CCDC6: variants seen among roughly 807,000 people sequenced by gnomAD.
The protein encoded by CCDC6 is coiled-coil domain-containing protein 6.
A neutral mutation model predicts 56.6 loss-of-function variants in CCDC6; 20 were observed. The ratio of observed to expected loss-of-function variants is 0.35; its 90% CI spans 0.25 to 0.51. The LOEUF is 0.51. Ranked by LOEUF, CCDC6 falls within the 20% of genes least tolerant of loss-of-function variation. The pLI, the probability that CCDC6 is intolerant of heterozygous loss-of-function variation, is 0.95. For synonymous variants in CCDC6, 241 were observed against 234.4 expected (o/e 1.03, Z -0.26); for missense variants, 367 against 601.1 (o/e 0.61, Z 4.07).
chr10:59,859,193 TGTGTGC>T (rs1320276076), intron 1 of CCDC6, among the ~76,000 whole-genome samples: 6 of 118,026 alleles, frequency 5.1e-5, no homozygotes, highest in East Asian at 4.8e-4. Flanking sequence ...AAAATACATG[TGTGTGC>T]GTGTGTGTGT....
intron 1 of CCDC6, among the ~76,000 whole-genome samples, chr10:59,860,362 T>A (rs566558408): frequency 1.5e-4 from 23 of 152,162 alleles, no homozygotes; most frequent in African/African-American, 4.6e-4. Context: ...GGAGACCCTA[T>A]CTCCATGACC....
At chr10:59,860,882 C>G (rs903480919) in intron 1 of CCDC6, among the ~76,000 whole-genome samples, 2 of 151,958 alleles carry the variant, frequency 1.3e-5, no homozygotes, top group South Asian at 4.2e-4. Context: ...AGTCCCATGT[C>G]TATGAAAAAT....
chr10:59,843,371 T>C (rs941341006), intron 2 of CCDC6, among the ~76,000 whole-genome samples: 3 of 152,234 alleles, frequency 2.0e-5, no homozygotes, highest in Non-Finnish European at 2.9e-5. Context: ...TTTGTCCACA[T>C]CATATAAATT....
intron 1 of CCDC6, among the ~76,000 whole-genome samples, chr10:59,885,031 T>A (rs1384305005): frequency 6.7e-6 from 1 of 149,118 alleles, no homozygotes; most frequent in East Asian, 2.0e-4. Flanking sequence ...GCCACCGCAC[T>A]CCAGCCTGGG....
chr10:59,833,430 C>T (rs142507519), intron 2 of CCDC6, among the ~76,000 whole-genome samples: 83 of 152,044 alleles, frequency 5.5e-4, no homozygotes, highest in Non-Finnish European at 7.9e-4. Context: ...GCTTGGACAA[C>T]GAGAGCAAAA....
chr10:59,824,625 T>A (rs2070773056), intron 3 of CCDC6, among the ~76,000 whole-genome samples: 2 of 152,194 alleles, frequency 1.3e-5, no homozygotes, highest in South Asian at 4.2e-4. Flanking sequence ...TTTTATTTTT[T>A]AAAAAGCAGG....
At chr10:59,864,614 C>T (rs1340051674) in intron 1 of CCDC6, among the ~76,000 whole-genome samples, 2 of 152,124 alleles carry the variant, frequency 1.3e-5, no homozygotes, top group African/African-American at 4.8e-5. Flanking sequence ...ATGTAACAAA[C>T]CATGCCAAAA....
At chr10:59,851,305 A>G (rs1466956084) in intron 2 of CCDC6, among the ~76,000 whole-genome samples, 1 of 152,152 alleles carries the variant, frequency 6.6e-6, no homozygotes, top group Non-Finnish European at 1.5e-5. Context: ...GGTCAAACTA[A>G]TCTTCTCCAT....
intron 7 of CCDC6, 64 bp from the exon 8 acceptor site, chr10:59,794,661 A>C: frequency 6.7e-7 from 1 of 1,486,480 alleles, no homozygotes; most frequent in South Asian, 1.2e-5. Flanking sequence ...TCAACTATCT[A>C]GGAGGTTTTA....
chr10:59,820,276 G>A (rs1378603414), intron 3 of CCDC6, among the ~76,000 whole-genome samples: 1 of 152,194 alleles, frequency 6.6e-6, no homozygotes, highest in Non-Finnish European at 1.5e-5. Flanking sequence ...AAAGCCGGAT[G>A]AGAACTCTAG....
intron 3 of CCDC6, among the ~76,000 whole-genome samples, chr10:59,818,959 C>T (rs1207384902): frequency 1.3e-5 from 2 of 152,146 alleles, no homozygotes; most frequent in Non-Finnish European, 2.9e-5. Flanking sequence ...ACTTTGCAAA[C>T]ATTTATCCCT....
rs10561094 is a variant in CCDC6, at chr10:59,797,588, C to CAAAAAA, written c.1106-2997_1106-2992dup. 2.9e-3 allele frequency among the ~76,000 whole-genome samples: 92 copies of CAAAAAA among 31,564 alleles called. 3 individuals are homozygous for CAAAAAA. Among genetic ancestry groups the CAAAAAA allele is most frequent in the Admixed American group, 4.8e-3 (7 of 1,460 alleles). 20.7% of individuals were successfully genotyped at this position (31,564 alleles called of 152,430 possible). A position where few individuals can be genotyped will look rare whatever the true frequency, so the allele number is the denominator to read the frequency against. ...GTAGCCAATGAACTGAACCTCCTAG[C>CAAAAAA]AAAAAAAAAAAAAAAAAAAAAAAAA... is the stretch of plus-strand genomic sequence containing the variant. On this transcript the variant is annotated intron_variant, in intron 7 of 8. Coordinates refer to ENST00000263102, the MANE Select transcript of CCDC6 (RefSeq NM_005436.5).
chr10:59,890,260 G>A (rs1589063331), intron 1 of CCDC6, among the ~76,000 whole-genome samples: 1 of 152,180 alleles, frequency 6.6e-6, no homozygotes, highest in Non-Finnish European at 1.5e-5. Context: ...TCCAGTCAAC[G>A]ATGGCTTTCA....
At chr10:59,806,301 C>T (rs901566358) in intron 6 of CCDC6, 4 of 152,152 alleles carry the variant, frequency 2.6e-5, no homozygotes, top group Admixed American at 2.6e-4. Flanking sequence ...TACTTGAGAC[C>T]ATTTCTGCTA....
At chr10:59,898,891 C>T (rs2071483111) in intron 1 of CCDC6, among the ~76,000 whole-genome samples, 1 of 152,124 alleles carries the variant, frequency 6.6e-6, no homozygotes, top group African/African-American at 2.4e-5. Context: ...CATTAAATTG[C>T]ACTCCATATG....
Position 59,833,643 on chromosome 10 carries a change from G to A in CCDC6, c.454-990C>T, listed in dbSNP as rs779654213. Among the ~76,000 whole-genome samples the A allele has an allele frequency of 5.9e-4, 58 of 99,060 alleles. 3 individuals carry two copies. Among genetic ancestry groups the A allele is most frequent in the African/African-American group, 3.2e-3 (56 of 17,762 alleles). The allele number at this position is 99,060 out of a possible 152,430, so 65.0% of individuals were successfully genotyped here. On this transcript the variant is annotated intron_variant, in intron 2 of 8. Transcript: ENST00000263102. ...TTATTTTTATAACACTCTCAACTGG[G>A]GGGGGGGGGGGTTTGTTGATCCACA...
rs1380072149 is a variant in CCDC6, at chr10:59,790,198, T to C, written c.*2719A>G. 1 of 216,522 alleles carries C rather than the reference T, an allele frequency of 4.6e-6. No homozygotes were observed. The highest frequency in any genetic ancestry group is 9.3e-6 in the Non-Finnish European group (1 of 107,328). The allele number at this position is 216,522 out of a possible 1,614,324, so 13.4% of individuals were successfully genotyped here. On this transcript the variant is annotated 3_prime_UTR_variant, in exon 9 of 9. Coordinates refer to ENST00000263102, the MANE Select transcript of CCDC6 (RefSeq NM_005436.5). ...AAGGCATGGTAATCTGGCAACAGAGTACTTATCCTATTAGCAGCACAGTGG... is the reference window on the plus strand; with the variant it reads ...AAGGCATGGTAATCTGGCAACAGAGCACTTATCCTATTAGCAGCACAGTGG...
intron 1 of CCDC6, among the ~76,000 whole-genome samples, chr10:59,887,056 C>G: frequency 6.6e-6 from 1 of 152,250 alleles, no homozygotes; most frequent in East Asian, 1.9e-4. Context: ...AACATCTATT[C>G]GAATTACACA....
At chr10:59,794,622 A>G (rs1478278422) in intron 7 of CCDC6, 25 bp from the exon 8 acceptor site, 1 of 1,611,338 alleles carries the variant, frequency 6.2e-7, no homozygotes, top group East Asian at 2.2e-5. Context: ...CAAATTAAGT[A>G]TCATTTTAAG....
Sources: gnomAD v4.1 joint callset for allele counts (sites outside exome capture counted in the v4.1 genomes callset) on GRCh38, gnomAD v4.1.1 for gene constraint, MANE v1.5 for transcripts, NCBI Gene and HGNC (gene_info 2026-07-23, HGNC 2026-07-21) for gene names.